NTM: variants seen among roughly 807,000 people sequenced by gnomAD.
NTM encodes IgLON family member 2.
In NTM, 13 loss-of-function variants were observed where a neutral mutation model predicts 42.1. That is an observed-to-expected ratio of 0.31 (90% CI 0.20 to 0.49). The LOEUF is 0.49. Among genes scored for constraint, NTM ranks in the 20% least tolerant of loss-of-function variants. The probability of loss-of-function intolerance (pLI) is 0.99; values close to 1 mark genes in which losing one functional copy is unlikely to be tolerated. For synonymous variants in NTM, 187 were observed against 179.2 expected, an observed-to-expected ratio of 1.04 and a Z score of -0.35; for missense variants, 373 against 452.8, an observed-to-expected ratio of 0.82 and a Z score of 1.60.
chr11:131,394,952 C>A (rs1427719276), intron 1 of NTM, among the ~76,000 whole-genome samples: 1 of 152,226 alleles, frequency 6.6e-6, no homozygotes, highest in African/African-American at 2.4e-5. Context: ...TGCTTGCAGT[C>A]TATCCAGTCA....
intron 2 of NTM, among the ~76,000 whole-genome samples, chr11:132,119,558 CG>C (rs1468699682): frequency 1.3e-5 from 2 of 152,166 alleles, no homozygotes; most frequent in Non-Finnish European, 2.9e-5. Context: ...ACCTTCTTAC[CG>C]TTCAATCAGG....
chr11:132,026,932 C>T (rs1206420177), intron 2 of NTM, among the ~76,000 whole-genome samples: 5 of 152,156 alleles, frequency 3.3e-5, no homozygotes, highest in Admixed American at 6.6e-5. Flanking sequence ...TCTGTCCTTC[C>T]GACACCCATT....
intron 3 of NTM, among the ~76,000 whole-genome samples, chr11:132,194,136 A>C (rs2079777765): frequency 2.1e-5 from 1 of 47,212 alleles, no homozygotes; most frequent in Non-Finnish European, 4.4e-5. Context: ...ATAAAGACAC[A>C]ATGAAACAAA....
intron 1 of NTM, among the ~76,000 whole-genome samples, chr11:131,693,575 G>A (rs1304659659): frequency 1.3e-5 from 2 of 152,150 alleles, no homozygotes; most frequent in African/African-American, 2.4e-5. Context: ...GAGGGGAGGT[G>A]ACAGGAGAAA....
intron 2 of NTM, among the ~76,000 whole-genome samples, chr11:131,962,706 C>G (rs1565834147): frequency 6.6e-6 from 1 of 152,308 alleles, no homozygotes; most frequent in South Asian, 2.1e-4. Context: ...GTTCCGTGTC[C>G]TCATTGCTTA....
chr11:132,084,556 A>AT (rs2059469448), intron 2 of NTM, among the ~76,000 whole-genome samples: 1 of 152,174 alleles, frequency 6.6e-6, no homozygotes, highest in South Asian at 2.1e-4. Context: ...CTGAAATTTG[A>AT]TTTTGGGAAG....
intron 1 of NTM, among the ~76,000 whole-genome samples, chr11:131,473,678 T>A (rs1344806604): frequency 6.6e-6 from 1 of 152,114 alleles, no homozygotes; most frequent in Non-Finnish European, 1.5e-5. Context: ...CCATCCCAGG[T>A]ATAACAGCTC....
chr11:131,658,170 C>T (rs2067450734), intron 1 of NTM, among the ~76,000 whole-genome samples: 1 of 152,174 alleles, frequency 6.6e-6, no homozygotes, highest in African/African-American at 2.4e-5. Flanking sequence ...AGTTCCATTT[C>T]TTCCATTCTG....
intron 1 of NTM, among the ~76,000 whole-genome samples, chr11:131,897,598 G>A (rs1253845534): frequency 6.6e-6 from 1 of 152,144 alleles, no homozygotes; most frequent in African/African-American, 2.4e-5. Context: ...ACTCAGCATG[G>A]GAAATTATAA....
At chr11:132,204,508 A>G (rs575889907) in intron 3 of NTM, among the ~76,000 whole-genome samples, 1 of 152,264 alleles carries the variant, frequency 6.6e-6, no homozygotes, top group Non-Finnish European at 1.5e-5. Context: ...TCTTGTAGAA[A>G]GGGGGTTTGA....
intron 1 of NTM, among the ~76,000 whole-genome samples, chr11:131,808,614 G>T (rs572118930): frequency 6.6e-6 from 1 of 152,186 alleles, no homozygotes; most frequent in African/African-American, 2.4e-5. Context: ...GTGTTGGTCC[G>T]GGGAAGTGTC....
At chr11:131,736,681 AAG>A (rs1018065410) in intron 1 of NTM, among the ~76,000 whole-genome samples, 4 of 152,102 alleles carry the variant, frequency 2.6e-5, no homozygotes, top group African/African-American at 9.7e-5. Context: ...AGGACACAAT[AAG>A]AGAGAAAAAG....
chr11:131,941,425 G>C (rs189056913), intron 2 of NTM, among the ~76,000 whole-genome samples: 1 of 152,234 alleles, frequency 6.6e-6, no homozygotes, highest in Admixed American at 6.5e-5. Flanking sequence ...AGCAGGGTGT[G>C]GCCATGTGAC....
intron 1 of NTM, among the ~76,000 whole-genome samples, chr11:131,472,050 T>C (rs1471583321): frequency 1.3e-5 from 2 of 152,202 alleles, no homozygotes; most frequent in African/African-American, 4.8e-5. Context: ...AACCTGAACA[T>C]CTCTCTTTCC....
rs1565465568 is a variant in NTM, at chr11:131,401,834, A to ATATATATATGTGTG, written c.82+30955_82+30956insGTGTGTATATATAT. 8.1e-5 allele frequency among the ~76,000 whole-genome samples: 7 copies of ATATATATATGTGTG among 86,274 alleles called. 1 individual carries two copies. Among genetic ancestry groups the ATATATATATGTGTG allele is most frequent in the African/African-American group, 2.9e-4 (7 of 23,906 alleles). The allele number at this position is 86,274 out of a possible 152,430, so 56.6% of individuals were successfully genotyped here. A position where few individuals can be genotyped will look rare whatever the true frequency, so the allele number is the denominator to read the frequency against. On this transcript the variant is annotated intron_variant, in intron 1 of 8. Transcript: ENST00000683400. The stretch of plus-strand genomic sequence containing the variant: ...TATATATATATATATATATATATAT[A>ATATATATATGTGTG]TATATATATATATATATATATATAT...
At chr11:131,858,548 C>G (rs1048965684) in intron 1 of NTM, among the ~76,000 whole-genome samples, 1 of 152,124 alleles carries the variant, frequency 6.6e-6, no homozygotes, top group South Asian at 2.1e-4. Context: ...GGAGGTTTTC[C>G]GCACGCTGGT....
At chr11:132,187,096 C>G (rs1175039823) in intron 3 of NTM, among the ~76,000 whole-genome samples, 3 of 152,200 alleles carry the variant, frequency 2.0e-5, no homozygotes, top group African/African-American at 7.2e-5. Flanking sequence ...GACTGGCTAC[C>G]CATGCCCTTT....
intron 7 of NTM, among the ~76,000 whole-genome samples, chr11:132,315,343 A>T (rs2095400470): frequency 3.3e-5 from 5 of 152,190 alleles, no homozygotes; most frequent in Admixed American, 3.3e-4. Flanking sequence ...CTGCTAGCAG[A>T]CAGCTGTGCA....
chr11:131,509,253 T>C (rs1301574486), intron 1 of NTM, among the ~76,000 whole-genome samples: 1 of 152,106 alleles, frequency 6.6e-6, no homozygotes, highest in Non-Finnish European at 1.5e-5. Flanking sequence ...GGGTTGCTTA[T>C]GGGCTAGAGG....
Sources: gnomAD v4.1 joint callset for allele counts (sites outside exome capture counted in the v4.1 genomes callset) on GRCh38, gnomAD v4.1.1 for gene constraint, MANE v1.5 for transcripts, NCBI Gene and HGNC (gene_info 2026-07-23, HGNC 2026-07-21) for gene names.